The following EPB41L4A variants were observed in gnomAD, a reference collection of about 807,000 sequenced individuals.
EPB41L4A encodes the protein band 4.1-like protein 4A.
A neutral mutation model predicts 108.6 loss-of-function variants in EPB41L4A; 100 were observed. The observed-to-expected ratio is 0.92, with a 90% CI of 0.78 to 1.09. The LOEUF (loss-of-function observed/expected upper bound fraction) is 1.09. Among genes scored for constraint, EPB41L4A ranks in the 50% least tolerant of loss-of-function variants. The pLI, the probability that EPB41L4A is intolerant of heterozygous loss-of-function variation, is 0.00. For synonymous variants in EPB41L4A, 319 were observed against 289.0 expected, an observed-to-expected ratio of 1.10 and a Z score of -1.05; for missense variants, 1,030 against 842.7, an observed-to-expected ratio of 1.22 and a Z score of -2.75.
intron 1 of EPB41L4A, among the ~76,000 whole-genome samples, chr5:112,382,176 C>T (rs772797374): frequency 2.6e-5 from 4 of 152,162 alleles, no homozygotes; most frequent in Non-Finnish European, 5.9e-5. Context: ...AGAGAAAGCT[C>T]TTTCCTTTAA....
intron 1 of EPB41L4A, among the ~76,000 whole-genome samples, chr5:112,332,394 C>T (rs1756627206): frequency 6.6e-6 from 1 of 152,188 alleles, no homozygotes; most frequent in Non-Finnish European, 1.5e-5. Flanking sequence ...TTGTCTTTGT[C>T]ACTGCCCATG....
chr5:112,284,325 G>C (rs574326827), intron 2 of EPB41L4A, among the ~76,000 whole-genome samples: 16 of 152,132 alleles, frequency 1.1e-4, no homozygotes, highest in Non-Finnish European at 1.2e-4. Flanking sequence ...ATAAAGGACA[G>C]CATGCAATAA....
intron 11 of EPB41L4A, among the ~76,000 whole-genome samples, chr5:112,235,427 A>C (rs923783205): frequency 5.3e-5 from 8 of 152,152 alleles, no homozygotes; most frequent in African/African-American, 1.9e-4. Context: ...CCTTACTAAC[A>C]ATTTATTCCA....
At chr5:112,335,945 G>T (rs116612675) in intron 1 of EPB41L4A, among the ~76,000 whole-genome samples, 1 of 151,928 alleles carries the variant, frequency 6.6e-6, no homozygotes, top group Non-Finnish European at 1.5e-5. Flanking sequence ...TATCTCCTTC[G>T]TCTAGAAACA....
At chr5:112,380,192 G>T (rs1318376292) in intron 1 of EPB41L4A, among the ~76,000 whole-genome samples, 1 of 152,170 alleles carries the variant, frequency 6.6e-6, no homozygotes, top group Non-Finnish European at 1.5e-5. Flanking sequence ...ACCAAATGAA[G>T]AAACTCGTGC....
intron 3 of EPB41L4A, among the ~76,000 whole-genome samples, chr5:112,275,865 T>C (rs1401824367): frequency 2.6e-5 from 4 of 152,190 alleles, no homozygotes; most frequent in South Asian, 2.1e-4. Flanking sequence ...ACAGGACATA[T>C]ACCATGCAAA....
At chr5:112,161,492 G>C (rs756510184), downstream of EPB41L4A, 8 of 518,932 alleles carry the variant, frequency 1.5e-5, no homozygotes, top group Non-Finnish European at 3.1e-5. Context: ...GTCAGCCTTT[G>C]TGTTGCCCAT....
rs936894329 is a variant in EPB41L4A at position 112,302,011 on chromosome 5, G to A, written c.204+5375C>T. ...AAATGTTTCTGATTTTTAAAAAAGA[G>A]CTTGTTCATAAATTTTTATAAAGGT... is the stretch of plus-strand genomic sequence containing the variant. On this transcript the variant is annotated intron_variant, in intron 2 of 22. Coordinates refer to ENST00000261486, the MANE Select transcript of EPB41L4A (RefSeq NM_022140.5). Among the ~76,000 whole-genome samples the A allele has an allele frequency of 5.9e-5, 9 of 152,020 alleles. 1 individual carries two copies. Among genetic ancestry groups the A allele is most frequent in the Admixed American group, 5.2e-4 (8 of 15,250 alleles).
intron 1 of EPB41L4A, among the ~76,000 whole-genome samples, chr5:112,401,534 G>A (rs1284436910): frequency 6.6e-6 from 1 of 152,172 alleles, no homozygotes; most frequent in Non-Finnish European, 1.5e-5. Context: ...ATGTAAATAT[G>A]TATATGGATT....
intron 15 of EPB41L4A, among the ~76,000 whole-genome samples, chr5:112,201,700 A>C (rs1272408950): frequency 6.6e-6 from 1 of 152,244 alleles, no homozygotes; most frequent in African/African-American, 2.4e-5. Flanking sequence ...AATGCACTTT[A>C]AAGTATTTCC....
intron 13 of EPB41L4A, chr5:112,206,136 T>A (rs887406096): frequency 2.6e-5 from 4 of 152,212 alleles, no homozygotes; most frequent in Non-Finnish European, 5.9e-5. Context: ...TGGGGAGACA[T>A]GGAGGAAGGG....
At position 112,390,729 on chromosome 5, in the gene EPB41L4A, G is replaced by A. The variant is rs186625381; in HGVS notation, c.99+28212C>T. On this transcript the variant is annotated intron_variant, in intron 1 of 22. Transcript: ENST00000261486. ...AGCACAGTGTTTGAGCTCTGAGAACGGACAGACTGCCTCCTCAAGTGGATC... is the reference window on the plus strand; with the variant it reads ...AGCACAGTGTTTGAGCTCTGAGAACAGACAGACTGCCTCCTCAAGTGGATC... Among the ~76,000 whole-genome samples, 91 of 152,278 alleles carry A rather than the reference G, an allele frequency of 6.0e-4. No individual in the cohort carries two copies. In the East Asian group the frequency reaches 0.013, roughly 21 times the overall value.
chr5:112,161,903 G>T, downstream of EPB41L4A: 1 of 181,972 alleles, frequency 5.5e-6, no homozygotes, highest in East Asian at 1.6e-4. Flanking sequence ...TAGCTATTAA[G>T]GTGAGTTAAT....
chr5:112,363,531 C>T (rs1429004321), intron 1 of EPB41L4A: 1 of 152,384 alleles, frequency 6.6e-6, no homozygotes, highest in African/African-American at 2.4e-5. Flanking sequence ...TTCTCAAGAT[C>T]AATGAGAGTA....
At chr5:112,371,846 G>T (rs576189976) in intron 1 of EPB41L4A, among the ~76,000 whole-genome samples, 4 of 152,166 alleles carry the variant, frequency 2.6e-5, no homozygotes, top group Non-Finnish European at 5.9e-5. Flanking sequence ...GGCCAGATTG[G>T]GTTAAGTCAG....
At chr5:112,231,734 G>A (rs909950283) in intron 12 of EPB41L4A, among the ~76,000 whole-genome samples, 124 of 139,644 alleles carry the variant, frequency 8.9e-4, no homozygotes, top group African/African-American at 3.0e-3. Flanking sequence ...GCAGTGAGCC[G>A]AGATTGCGCC....
intron 12 of EPB41L4A, among the ~76,000 whole-genome samples, chr5:112,225,565 T>C (rs1338087284): frequency 6.6e-6 from 1 of 152,082 alleles, no homozygotes; most frequent in Non-Finnish European, 1.5e-5. Flanking sequence ...CAAATGAAAA[T>C]AAATCTCTCT....
chr5:112,354,884 C>A (rs1295200704), intron 1 of EPB41L4A, among the ~76,000 whole-genome samples: 2 of 152,054 alleles, frequency 1.3e-5, no homozygotes, highest in Non-Finnish European at 2.9e-5. Context: ...TTTTATTAGT[C>A]TCAGAGAGCA....
At chr5:112,352,872 C>G (rs1758133202) in intron 1 of EPB41L4A, among the ~76,000 whole-genome samples, 1 of 152,124 alleles carries the variant, frequency 6.6e-6, no homozygotes, top group African/African-American at 2.4e-5. Flanking sequence ...TTGGAGGGGT[C>G]CTGTTTCCTT....
Sources: allele counts gnomAD v4.1 joint callset (sites outside exome capture counted in the v4.1 genomes callset), GRCh38; gene constraint gnomAD v4.1.1; transcripts MANE v1.5; gene names NCBI Gene and HGNC (gene_info 2026-07-23, HGNC 2026-07-21).